Variants in FLNC observed in about 807,000 individuals in gnomAD.
FLNC encodes the protein filamin-C.
In FLNC, 91 loss-of-function variants were observed where a neutral mutation model predicts 254.3. The ratio of observed to expected loss-of-function variants is 0.36; its 90% CI spans 0.30 to 0.43. The LOEUF is 0.43. Among genes scored for constraint, FLNC ranks in the 20% least tolerant of loss-of-function variants. The pLI is 1.00. For missense variants in FLNC, 2,853 were observed against 3,802.6 expected (o/e 0.75, Z 6.57); for synonymous variants, 1,430 against 1,577.2 (o/e 0.91, Z 2.21).
chr7:128,842,717 G>T lies in FLNC; in HGVS notation c.2389+19G>T, dbSNP rs1359230020. ...GGGCAAGGTGCGCCCAGCCGGAAGG[G>T]GTGGGTCTGGGAGGGGGCGGGGGTG... On this transcript the variant is annotated intron_variant, in intron 15 of 47. Transcript: ENST00000325888. The surrounding 1 kb of genome is among the most constrained non-coding windows in gnomAD (Gnocchi z 5.4). 3.2e-6 allele frequency: 5 copies of T among 1,566,616 alleles called. No homozygotes were observed. The Admixed American group carries it at 9.5e-5, about 30-fold the overall frequency.
rs528279616 is a variant in FLNC at position 128,845,087 on chromosome 7, G to A, written c.3622G>A (p.Ala1208Thr). 1.2e-5 allele frequency: 19 copies of A among 1,613,904 alleles called. No individual in the cohort carries two copies. In the East Asian group the frequency reaches 2.0e-4, roughly 17 times the overall value. ...VKAEVLIHNN[A>T]DGTYHITYSP... is the part of the protein sequence containing the mutation. ...GGCCGAGGTGCTGATCCACAACAAC[G>A]CGGATGGCACCTACCACATCACCTA... Residue 1208 changes from alanine to threonine, a missense_variant, in exon 21 of 48, where the codon GCG becomes ACG. Physicochemically the swap from Ala to Thr is moderately conservative, Grantham distance 58 (BLOSUM62 0). Coordinates refer to ENST00000325888, the MANE Select transcript of FLNC (RefSeq NM_001458.5).
At chr7:128,845,333 G>A (rs1202791157) in intron 21 of FLNC, 78 bp downstream of exon 21, 5 of 1,221,304 alleles carry the variant, frequency 4.1e-6, no homozygotes, top group Admixed American at 1.9e-5. Flanking sequence ...GAGGGAAGAA[G>A]AGCTGAGAGC....
Position 128,854,818 on chromosome 7 carries a change from G to C in FLNC, c.7041G>C (p.Leu2347=). 6.2e-7 allele frequency: 1 copy of C among 1,614,170 alleles called. No homozygotes were observed. The highest frequency in any genetic ancestry group is 8.5e-7 in the Non-Finnish European group (1 of 1,180,040). ...IWTREAGAGG[L]SIAVEGPSKA... ...CCCGGGAGGCTGGCGCTGGGGGCCT[G>C]TCCATTGCTGTGGAGGGTCCTAGCA... is the stretch of plus-strand genomic sequence containing the variant. The change falls in exon 42 of 48, where the codon CTG becomes CTC. Residue 2347 remains leucine (L), a synonymous_variant. Coordinates refer to ENST00000325888, the MANE Select transcript of FLNC (RefSeq NM_001458.5).
chr7:128,844,817 G>T lies in FLNC; in HGVS notation c.3352G>T (p.Ala1118Ser), dbSNP rs1187980838. 1 of 1,614,142 alleles carries T rather than the reference G, an allele frequency of 6.2e-7. No homozygotes were observed. The highest frequency in any genetic ancestry group is 1.1e-5 in the South Asian group (1 of 91,082). The change falls in exon 21 of 48, where the codon GCT becomes TCT. Residue 1118 changes from alanine to serine, a missense_variant. Ala to Ser is a moderately conservative substitution (Grantham distance 99, BLOSUM62 1). Around this residue, in one of 10 missense-constraint regions of FLNC, gnomAD observed 1,573 missense variants for 1,883.5 expected, o/e 0.84. Coordinates refer to ENST00000325888, the MANE Select transcript of FLNC (RefSeq NM_001458.5). ...CCAGGACAATGGTGATGGCTCATGTGCTGTCAGCTACCTGCCCACGGAGCC... is the reference window on the plus strand; with the variant it reads ...CCAGGACAATGGTGATGGCTCATGTTCTGTCAGCTACCTGCCCACGGAGCC... ...ECQDNGDGSCAVSYLPTEPGE... is the reference protein window; with the variant it reads ...ECQDNGDGSCSVSYLPTEPGE...
rs1012585718 is a variant in FLNC, at chr7:128,844,135, G to T, written c.3061G>T (p.Ala1021Ser). 3 of 1,613,864 alleles carry T rather than the reference G, an allele frequency of 1.9e-6. No homozygotes were observed. The highest frequency in any genetic ancestry group is 1.7e-6 in the Non-Finnish European group (2 of 1,180,052). The change falls in exon 20 of 48, where the codon GCG becomes TCG. Residue 1021 changes from alanine (A) to serine (S), a missense_variant. By Grantham distance (99) the Ala-to-Ser change is moderately conservative. Around this residue, in one of 10 missense-constraint regions of FLNC, gnomAD observed 1,573 missense variants for 1,883.5 expected, o/e 0.84. Transcript: ENST00000325888. ...CTGCAAGCTGGAGCCAGGCGGTGGA[G>T]CGGAAGCCCAGGCTGTGCGCTACAT... is the stretch of plus-strand genomic sequence containing the variant. ...IPCKLEPGGGAEAQAVRYMPP... is the reference protein window; with the variant it reads ...IPCKLEPGGGSEAQAVRYMPP...
chr7:128,842,300 G>A lies in FLNC; in HGVS notation c.2191G>A (p.Val731Met), dbSNP rs757110783. 5.0e-6 allele frequency: 8 copies of A among 1,613,740 alleles called. No homozygotes were observed. The African/African-American group carries it at 5.3e-5, about 11-fold the overall frequency. ...CGACGGCACCTTCCGCTGCTCCTACGTGCCCACCAAGCCCATTAAGCACAC... is the reference window on the plus strand; with the variant it reads ...CGACGGCACCTTCCGCTGCTCCTACATGCCCACCAAGCCCATTAAGCACAC... ...NGDGTFRCSY[V>M]PTKPIKHTII... The change falls in exon 14 of 48, where the codon GTG becomes ATG. Residue 731 changes from valine (V) to methionine (M), a missense_variant. Physicochemically the swap from Val to Met is conservative, Grantham distance 21. Transcript: ENST00000325888. This position sits in a 1 kb window ranked among gnomAD's most constrained non-coding sequence, Gnocchi z 5.4.
At chr7:128,843,603 C>T (rs563981245) in intron 18 of FLNC, 26 bp downstream of exon 18, 130 of 1,613,176 alleles carry the variant, frequency 8.1e-5, no homozygotes, top group Non-Finnish European at 1.0e-4. Context: ...CCCATGCTAC[C>T]GCCCGGCCGG....
intron 8 of FLNC, among the ~76,000 whole-genome samples, chr7:128,839,021 G>A (rs567862512): frequency 2.0e-5 from 3 of 152,332 alleles, no homozygotes; most frequent in African/African-American, 7.2e-5. Flanking sequence ...GGAAGTGACG[G>A]GGCTGTATGG....
rs1808269206 is a variant in FLNC, at chr7:128,840,131, G to A, written c.1520G>A (p.Gly507Glu). ...GTGTTTACCAAGGGTGCCGGCAGCG[G>A]GGAGCTCAAGGTCACGGTCAAGGGG... Reference protein sequence around the residue: ...FKVFTKGAGSGELKVTVKGPK... With the variant: ...FKVFTKGAGSEELKVTVKGPK... The change falls in exon 9 of 48, where the codon GGG (glycine) becomes GAG (glutamate). Residue 507 changes from glycine (G) to glutamate (E), a missense_variant. By Grantham distance (98) the Gly-to-Glu change is moderately conservative. Around this residue, in one of 10 missense-constraint regions of FLNC, gnomAD observed 1,573 missense variants for 1,883.5 expected, o/e 0.84. Transcript: ENST00000325888. The A allele has an allele frequency of 6.2e-7, 1 of 1,613,946 alleles. No homozygotes were observed. The highest frequency in any genetic ancestry group is 1.3e-5 in the African/African-American group (1 of 74,940).
In FLNC at chr7:128,837,372, T is replaced by C. The variant is rs551132755; in HGVS notation, c.700-26T>C. The C allele has an allele frequency of 6.5e-4, 1,044 of 1,613,872 alleles. 10 individuals are homozygous for C. The South Asian group carries it at 0.011, about 17-fold the overall frequency. On this transcript the variant is annotated intron_variant, in intron 3 of 47. Coordinates refer to ENST00000325888, the MANE Select transcript of FLNC (RefSeq NM_001458.5). ...GGGCTGCTGGGAAAAGAGGGCGCCATGTGACATCACTCCTTTCCATCGCAG... is the reference window on the plus strand; with the variant it reads ...GGGCTGCTGGGAAAAGAGGGCGCCACGTGACATCACTCCTTTCCATCGCAG...
intron 20 of FLNC, 75 bp downstream of exon 20, chr7:128,844,341 G>A: frequency 3.3e-6 from 5 of 1,496,342 alleles, no homozygotes; most frequent in African/African-American, 1.4e-5. Flanking sequence ...AGGGGGCAGA[G>A]GCCAGAGGGA....
chr7:128,848,768 G>A (rs1194048942), intron 27 of FLNC, 25 bp from the exon 28 acceptor site: 3 of 1,614,120 alleles, frequency 1.9e-6, no homozygotes, highest in Admixed American at 3.3e-5. Context: ...GCACAGGCGG[G>A]CCTTGACCTC....
rs1809115716 is a variant in FLNC at position 128,857,452 on chromosome 7, C to T, written c.7780+116C>T. ...GCCCCCAGACATCATGGTCAGTTTA[C>T]CAGGGCTAGAGGTGGGCCTGGCTCT... On this transcript the variant is annotated intron_variant, in intron 46 of 47. Transcript: ENST00000325888. This position sits in a 1 kb window ranked among gnomAD's most constrained non-coding sequence, Gnocchi z 4.5. 6 of 703,204 alleles carry T rather than the reference C, an allele frequency of 8.5e-6. No individual in the cohort carries two copies. The highest frequency in any genetic ancestry group is 6.2e-5 in the Admixed American group (3 of 48,112). The allele number at this position is 703,204 out of a possible 1,614,324, so 43.6% of individuals were successfully genotyped here. A position where few individuals can be genotyped will look rare whatever the true frequency, so the allele number is the denominator to read the frequency against.
Position 128,830,428 on chromosome 7 carries a change from G to A in FLNC, c.-210G>A, listed in dbSNP as rs2639138. ...CCCGCCCTTCCCGAGCACCGCTCCG[G>A]CCCTGGAGGGAGAGAGAGCCAGAGA... On this transcript the variant is annotated 5_prime_UTR_variant, in exon 1 of 48. Transcript: ENST00000325888. The A allele has an allele frequency of 1, 594,324 of 594,326 alleles. 297,161 individuals carry two copies. Among genetic ancestry groups the A allele is most frequent in the Middle Eastern group, 1 (2,286 of 2,286 alleles). The allele number at this position is 594,326 out of a possible 1,614,324, so 36.8% of individuals were successfully genotyped here.
intron 33 of FLNC, 94 bp from the exon 34 acceptor site, chr7:128,851,138 G>T: frequency 1.3e-6 from 2 of 1,594,424 alleles, no homozygotes; most frequent in Non-Finnish European, 1.7e-6. Context: ...AGACGGAGGG[G>T]GTTGGCAGGG....
At position 128,835,748 on chromosome 7, in the gene FLNC, C is replaced by T. The variant is rs989207348; in HGVS notation, c.601+174C>T. ...TGGCTCTCCGCTGGCTGGTGGCAGG[C>T]CCTACCTGATGAGTGTGCCAGATTC... On this transcript the variant is annotated intron_variant, in intron 2 of 47. Transcript: ENST00000325888. The surrounding 1 kb of genome is among the most constrained non-coding windows in gnomAD (Gnocchi z 5.3). Among the ~76,000 whole-genome samples the T allele has an allele frequency of 1.3e-5, 2 of 152,112 alleles. No individual in the cohort carries two copies. The highest frequency in any genetic ancestry group is 2.9e-5 in the Non-Finnish European group (2 of 68,010).
intron 33 of FLNC, 106 bp from the exon 34 acceptor site, chr7:128,851,126 A>T: frequency 6.3e-7 from 1 of 1,578,626 alleles, no homozygotes; most frequent in Non-Finnish European, 8.7e-7. Context: ...TCCCTACGGC[A>T]CAGACGGAGG....
rs1445297595 is a variant in FLNC, at chr7:128,856,848, T to C, written c.7488T>C (p.Val2496=). 6.2e-7 allele frequency: 1 copy of C among 1,614,074 alleles called. No individual in the cohort carries two copies. Among genetic ancestry groups the C allele is most frequent in the African/African-American group, 1.3e-5 (1 of 75,018 alleles). Residue 2496 remains valine, a synonymous_variant, in exon 45 of 48, where the codon GTT becomes GTC. Transcript: ENST00000325888. The surrounding 1 kb of genome is among the most constrained non-coding windows in gnomAD (Gnocchi z 5.9). Reference sequence around the variant, plus strand: ...CTGGAAGTCCCTTCAAGATCCGCGTTGGGGAGCAGAGCCAGGCTGGGGACC... The same window carrying C: ...CTGGAAGTCCCTTCAAGATCCGCGTCGGGGAGCAGAGCCAGGCTGGGGACC... ...HIPGSPFKIR[V]GEQSQAGDPG...
At chr7:128,837,289 G>C in intron 3 of FLNC, 32 bp downstream of exon 3, 1 of 1,580,736 alleles carries the variant, frequency 6.3e-7, no homozygotes, top group Non-Finnish European at 8.6e-7. Context: ...GGGGGAAAGG[G>C]GGCAGGGGCA....
Sources: allele counts gnomAD v4.1 joint callset (sites outside exome capture counted in the v4.1 genomes callset), GRCh38; gene constraint gnomAD v4.1.1; regional missense constraint gnomAD v4.1.1; non-coding constraint Gnocchi (gnomAD v3.1); transcripts MANE v1.5; gene names NCBI Gene and HGNC (gene_info 2026-07-23, HGNC 2026-07-21).